RXRA: variants seen among roughly 807,000 people sequenced by gnomAD.
RXRA encodes retinoid X receptor alpha, also known as retinoic acid receptor RXR-alpha.
RXRA carries 5 observed loss-of-function variants against 44.5 expected under a neutral mutation model. The ratio of observed to expected loss-of-function variants is 0.11; its 90% confidence interval spans 0.06 to 0.24. The LOEUF (loss-of-function observed/expected upper bound fraction) is 0.24, where lower values mean the gene tolerates loss of function less well. Ranked by LOEUF, RXRA falls within the 10% of genes least tolerant of loss-of-function variation. The pLI is 1.00. For missense variants in RXRA, 412 were observed against 646.5 expected, an observed-to-expected ratio of 0.64 and a Z score of 3.93; for synonymous variants, 291 against 271.4, an observed-to-expected ratio of 1.07 and a Z score of -0.71.
At chr9:134,416,426 G>C (rs1347382932) in intron 4 of RXRA, among the ~76,000 whole-genome samples, 1 of 152,196 alleles carries the variant, frequency 6.6e-6, no homozygotes, top group African/African-American at 2.4e-5. Context: ...CTCGGCTTCT[G>C]GTTCCCCCCG....
chr9:134,349,726 G>A lies in RXRA; in HGVS notation c.28+23067G>A, dbSNP rs114259484. Reference sequence around the variant, plus strand: ...GCTGAATGCCTGTCTCCCTGGAGGCGCAGGGCTGTGCACAGGATTCCCCAG... The same window carrying A: ...GCTGAATGCCTGTCTCCCTGGAGGCACAGGGCTGTGCACAGGATTCCCCAG... On this transcript the variant is annotated intron_variant, in intron 1 of 9. Transcript: ENST00000481739. This position sits in a 1 kb window ranked among gnomAD's most constrained non-coding sequence, Gnocchi z 4.3. Among the ~76,000 whole-genome samples, 633 of 152,006 alleles carry A rather than the reference G, an allele frequency of 4.2e-3. 5 individuals carry two copies. The highest frequency in any genetic ancestry group is 0.014 in the African/African-American group (586 of 41,454).
In RXRA at chr9:134,349,092, G is replaced by A. The variant is rs782226288; in HGVS notation, c.28+22433G>A. Among the ~76,000 whole-genome samples the A allele has an allele frequency of 2.6e-5, 4 of 152,224 alleles. No individual in the cohort carries two copies. Among genetic ancestry groups the A allele is most frequent in the Non-Finnish European group, 5.9e-5 (4 of 68,042 alleles). On this transcript the variant is annotated intron_variant, in intron 1 of 9. Transcript: ENST00000481739. The surrounding 1 kb of genome is among the most constrained non-coding windows in gnomAD (Gnocchi z 4.3). ...TGGTGGGTACGCTGCTTCCCGGGAG[G>A]GGACTTGTGCTGTCCCTGAACTCAC...
intron 1 of RXRA, among the ~76,000 whole-genome samples, chr9:134,329,767 C>T (rs1436055062): frequency 4.6e-5 from 7 of 152,226 alleles, no homozygotes; most frequent in African/African-American, 1.4e-4. Flanking sequence ...TGACTGCCCT[C>T]TCTTGGCCCC....
At chr9:134,381,841 G>A (rs541946668) in intron 1 of RXRA, among the ~76,000 whole-genome samples, 7 of 152,248 alleles carry the variant, frequency 4.6e-5, no homozygotes, top group South Asian at 2.1e-4. Context: ...GTGCTCCGTC[G>A]TGAAGTGGCC....
intron 1 of RXRA, among the ~76,000 whole-genome samples, chr9:134,386,742 C>T (rs1588279654): frequency 6.9e-6 from 1 of 144,858 alleles, no homozygotes; most frequent in Admixed American, 6.8e-5. Context: ...GGTGTCCCCC[C>T]GGGTGTCTGG....
In RXRA at chr9:134,436,667, C is replaced by T. The variant is rs1384254642; in HGVS notation, c.*53C>T. The T allele has an allele frequency of 7.0e-5, 113 of 1,603,792 alleles. No individual in the cohort carries two copies. The highest frequency in any genetic ancestry group is 9.3e-5 in the Non-Finnish European group (109 of 1,173,448). ...CCGTTCTGGCCACCCTGCCTGGACG[C>T]CAGCTGTTCTTCTCAGCCTGAGCCC... is the stretch of plus-strand genomic sequence containing the variant. On this transcript the variant is annotated 3_prime_UTR_variant, in exon 10 of 10. Transcript: ENST00000481739.
Position 134,352,100 on chromosome 9 carries a change from G to C in RXRA, c.28+25441G>C, listed in dbSNP as rs371900380. ...CAGGCTGCGGGAGTCAGAGGCTGTC[G>C]AAGGCAGAGTCGGGCTGGGGTGCAG... On this transcript the variant is annotated intron_variant, in intron 1 of 9. Coordinates refer to ENST00000481739, the MANE Select transcript of RXRA (RefSeq NM_002957.6). 8.5e-5 allele frequency among the ~76,000 whole-genome samples: 13 copies of C among 152,292 alleles called. No homozygotes were observed. The East Asian group carries it at 2.3e-3, about 27-fold the overall frequency.
At chr9:134,409,186 G>T (rs1161011981) in intron 4 of RXRA, 67 bp downstream of exon 4, 1 of 1,412,314 alleles carries the variant, frequency 7.1e-7, no homozygotes, top group African/African-American at 1.5e-5. Context: ...GGGCTTGTGC[G>T]TGGACACCCG....
In RXRA at chr9:134,352,347, G is replaced by C. The variant is rs182838945; in HGVS notation, c.28+25688G>C. ...GTCTGAAGGGTGAGTACGGGAAGGG[G>C]CTGCCTCGGGGACCCTGGATGAGTC... On this transcript the variant is annotated intron_variant, in intron 1 of 9. Transcript: ENST00000481739. Among the ~76,000 whole-genome samples the C allele has an allele frequency of 1.4e-3, 206 of 152,224 alleles. 1 individual carries two copies. The highest frequency in any genetic ancestry group is 4.8e-3 in the African/African-American group (199 of 41,522).
intron 5 of RXRA, among the ~76,000 whole-genome samples, chr9:134,420,698 C>T (rs1321849875): frequency 6.6e-6 from 1 of 152,260 alleles, no homozygotes; most frequent in Middle Eastern, 3.2e-3. Flanking sequence ...ATCCTATTCA[C>T]AGTCGTTATT....
rs72619343 is a variant in RXRA at position 134,328,718 on chromosome 9, C to T, written c.28+2059C>T. On this transcript the variant is annotated intron_variant, in intron 1 of 9. Transcript: ENST00000481739. Reference sequence around the variant, plus strand: ...CCTCGGGGTGAGTGGTGGTGGAGGGCCTGGCTTGTCTTGGCCCGGCTGGCC... The same window carrying T: ...CCTCGGGGTGAGTGGTGGTGGAGGGTCTGGCTTGTCTTGGCCCGGCTGGCC... Among the ~76,000 whole-genome samples, 124 of 152,352 alleles carry T rather than the reference C, an allele frequency of 8.1e-4. No homozygotes were observed. The East Asian group carries it at 0.021, about 26-fold the overall frequency.
chr9:134,379,512 G>A (rs767695350), intron 1 of RXRA: 141 of 986,192 alleles, frequency 1.4e-4, no homozygotes, highest in Non-Finnish European at 1.6e-4. Context: ...ACCGTCTGTG[G>A]CAGGCACTGC....
chr9:134,420,037 T>C (rs1285040926), intron 5 of RXRA, among the ~76,000 whole-genome samples: 1 of 152,188 alleles, frequency 6.6e-6, no homozygotes, highest in African/African-American at 2.4e-5. Context: ...GGCACCAGCC[T>C]GTCACCTGGG....
intron 1 of RXRA, among the ~76,000 whole-genome samples, chr9:134,336,990 ATCCCTGGGG>A (rs1554747393): frequency 6.6e-6 from 1 of 152,060 alleles, no homozygotes; most frequent in Non-Finnish European, 1.5e-5. Context: ...GCCAGCTGGA[ATCCCTGGGG>A]GCCCTGGGTG....
chr9:134,342,895 T>A lies in RXRA; in HGVS notation c.28+16236T>A, dbSNP rs1554748265. 6.6e-6 allele frequency among the ~76,000 whole-genome samples: 1 copy of A among 152,114 alleles called. No individual in the cohort carries two copies. Among genetic ancestry groups the A allele is most frequent in the Non-Finnish European group, 1.5e-5 (1 of 68,008 alleles). ...ACCTTCCCTTTGTATGTGAGTGATG[T>A]GGGTGGCATGACTGCGGATGCAGGC... On this transcript the variant is annotated intron_variant, in intron 1 of 9. Coordinates refer to ENST00000481739, the MANE Select transcript of RXRA (RefSeq NM_002957.6). The surrounding 1 kb of genome is among the most constrained non-coding windows in gnomAD (Gnocchi z 4.4).
At chr9:134,331,365 T>A (rs1401734709) in intron 1 of RXRA, among the ~76,000 whole-genome samples, 1 of 152,204 alleles carries the variant, frequency 6.6e-6, no homozygotes, top group Non-Finnish European at 1.5e-5. Context: ...TAAGGAAAAT[T>A]GGCCCGGCCG....
At chr9:134,336,323 C>G (rs975014565) in intron 1 of RXRA, among the ~76,000 whole-genome samples, 3 of 152,214 alleles carry the variant, frequency 2.0e-5, no homozygotes, top group African/African-American at 7.2e-5. Flanking sequence ...GCTGGGATCA[C>G]AGGGGGCGTC....
chr9:134,373,396 G>A (rs1436934099), intron 1 of RXRA, among the ~76,000 whole-genome samples: 1 of 152,212 alleles, frequency 6.6e-6, no homozygotes, highest in Non-Finnish European at 1.5e-5. Context: ...CGGGCCCTGC[G>A]CTCAGCCCTT....
Position 134,424,884 on chromosome 9 carries a change from G to A in RXRA, c.910+3079G>A, listed in dbSNP as rs117163196. ...TCTTCTGGCAGGAGGCAGTGGCAGA[G>A]GTGAGGCCCCGCCCAGCTCCGGCAG... On this transcript the variant is annotated intron_variant, in intron 6 of 9. Coordinates refer to ENST00000481739, the MANE Select transcript of RXRA (RefSeq NM_002957.6). 5.1e-6 allele frequency: 5 copies of A among 985,450 alleles called. No individual in the cohort carries two copies. In the East Asian group the frequency reaches 3.4e-4, roughly 67 times the overall value. 61.0% of individuals were successfully genotyped at this position (985,450 alleles called of 1,614,324 possible).
Sources: gnomAD v4.1 joint callset for allele counts (sites outside exome capture counted in the v4.1 genomes callset) on GRCh38, gnomAD v4.1.1 for gene constraint, Gnocchi (gnomAD v3.1) non-coding constraint, MANE v1.5 for transcripts, NCBI Gene and HGNC (gene_info 2026-07-23, HGNC 2026-07-21) for gene names.